The following MEI4 variants were observed in gnomAD, a reference collection of about 807,000 sequenced individuals.
MEI4 encodes meiosis-specific protein MEI4.
Under a neutral mutation model 31.4 loss-of-function variants are expected in MEI4, and 27 were observed. That is an observed-to-expected ratio of 0.86 (90% CI 0.63 to 1.19). The LOEUF is 1.19. Ranked by LOEUF, MEI4 falls within the 50% of genes most tolerant of loss-of-function variation. The pLI, the probability that MEI4 is intolerant of heterozygous loss-of-function variation, is 0.00. For missense variants in MEI4, 329 were observed against 398.9 expected (o/e 0.82, Z 1.49); for synonymous variants, 122 against 145.4 (o/e 0.84, Z 1.16).
intron 4 of MEI4, among the ~76,000 whole-genome samples, chr6:77,902,835 A>T (rs1194646721): frequency 6.6e-6 from 1 of 152,028 alleles, no homozygotes; most frequent in Non-Finnish European, 1.5e-5. Context: ...CATCATGCAT[A>T]TGTTGATTGA....
At chr6:77,736,148 G>A (rs1490878798) in intron 2 of MEI4, among the ~76,000 whole-genome samples, 2 of 152,100 alleles carry the variant, frequency 1.3e-5, no homozygotes, top group Non-Finnish European at 2.9e-5. Flanking sequence ...CCTTTGAGCT[G>A]TTGTGGGCTC....
At chr6:77,800,643 CTT>C (rs1284690141) in intron 3 of MEI4, among the ~76,000 whole-genome samples, 2 of 152,106 alleles carry the variant, frequency 1.3e-5, no homozygotes, top group Non-Finnish European at 2.9e-5. Context: ...ATAGATAGCT[CTT>C]ATTATTTTGA....
intron 4 of MEI4, among the ~76,000 whole-genome samples, chr6:77,850,018 A>C (rs1281923203): frequency 6.6e-6 from 1 of 152,020 alleles, no homozygotes; most frequent in Non-Finnish European, 1.5e-5. Context: ...AACATGTTCA[A>C]ATTAGTTAGG....
intron 4 of MEI4, among the ~76,000 whole-genome samples, chr6:77,921,622 A>C (rs1356881887): frequency 1.3e-5 from 2 of 151,832 alleles, no homozygotes; most frequent in Non-Finnish European, 2.9e-5. Context: ...TTCTTCACTA[A>C]GCTTAATGAT....
chr6:77,753,446 C>T (rs1006805911), intron 2 of MEI4, among the ~76,000 whole-genome samples: 2 of 151,952 alleles, frequency 1.3e-5, no homozygotes, highest in African/African-American at 4.8e-5. Context: ...TGAAGGATTT[C>T]AACAGACACT....
At chr6:77,656,283 ATTGC>A (rs765451374) in intron 1 of MEI4, among the ~76,000 whole-genome samples, 6 of 152,082 alleles carry the variant, frequency 3.9e-5, no homozygotes, top group Non-Finnish European at 7.4e-5. Context: ...CTGCTTATTG[ATTGC>A]TTGCTTCTTT....
intron 3 of MEI4, among the ~76,000 whole-genome samples, chr6:77,817,459 T>A (rs117742392): frequency 6.6e-6 from 1 of 152,270 alleles, no homozygotes; most frequent in Non-Finnish European, 1.5e-5. Flanking sequence ...AAGTTCTGAT[T>A]ATCATTGATG....
chr6:77,804,963 T>G (rs964882515), intron 3 of MEI4, among the ~76,000 whole-genome samples: 2 of 152,242 alleles, frequency 1.3e-5, no homozygotes, highest in Non-Finnish European at 2.9e-5. Flanking sequence ...GCAGGTTTTA[T>G]CTGTACTTTT....
At chr6:77,746,059 A>C (rs955692292) in intron 2 of MEI4, among the ~76,000 whole-genome samples, 70 of 152,200 alleles carry the variant, frequency 4.6e-4, no homozygotes, top group Non-Finnish European at 7.5e-4. Context: ...CAATTAAAAG[A>C]ACTAGAAAAG....
chr6:77,879,658 T>A lies in MEI4; in HGVS notation c.901-43431T>A, dbSNP rs140666289. 1.8e-4 allele frequency among the ~76,000 whole-genome samples: 27 copies of A among 152,318 alleles called. No individual in the cohort carries two copies. In the East Asian group the frequency reaches 5.2e-3, roughly 29 times the overall value. ...TATTGGAGTTGAAGAGATAAAAGTG[T>A]CCCTGAGAGCAGTGACCTTTGTGGC... On this transcript the variant is annotated intron_variant, in intron 4 of 4. Transcript: ENST00000684080.
At chr6:77,862,064 TA>T (rs11317423) in intron 4 of MEI4, among the ~76,000 whole-genome samples, 99,709 of 144,024 alleles carry the variant, frequency 0.69, 34,839 homozygotes, top group African/African-American at 0.85. Context: ...AGCAAAGAAT[TA>T]AAAAAAAAAA....
intron 2 of MEI4, among the ~76,000 whole-genome samples, chr6:77,737,217 T>C (rs765430763): frequency 6.6e-6 from 1 of 152,246 alleles, no homozygotes; most frequent in African/African-American, 2.4e-5. Context: ...TTCCATAAGT[T>C]ATTTATTTAG....
chr6:77,736,625 G>A (rs374305966), intron 2 of MEI4, among the ~76,000 whole-genome samples: 5 of 152,066 alleles, frequency 3.3e-5, no homozygotes, highest in South Asian at 2.1e-4. Flanking sequence ...GCTGTAGACC[G>A]GAGCTGTTCC....
intron 2 of MEI4, among the ~76,000 whole-genome samples, chr6:77,691,810 T>G (rs151082874): frequency 2.0e-5 from 3 of 152,020 alleles, no homozygotes; most frequent in Admixed American, 6.6e-5. Context: ...CTGGGTTTAC[T>G]TGAGCAAACT....
At chr6:77,795,928 C>G (rs947991104) in intron 3 of MEI4, among the ~76,000 whole-genome samples, 1 of 152,078 alleles carries the variant, frequency 6.6e-6, no homozygotes, top group African/African-American at 2.4e-5. Flanking sequence ...TACTCTGATA[C>G]CAAAGCTAGA....
chr6:77,770,317 G>A (rs1230036284), intron 3 of MEI4, among the ~76,000 whole-genome samples: 3 of 151,986 alleles, frequency 2.0e-5, no homozygotes, highest in Non-Finnish European at 4.4e-5. Flanking sequence ...CAATGAGATT[G>A]GAGCCCTAAT....
chr6:77,699,731 T>C (rs528001136), intron 2 of MEI4, among the ~76,000 whole-genome samples: 13 of 152,312 alleles, frequency 8.5e-5, no homozygotes, highest in Admixed American at 8.5e-4. Flanking sequence ...TGGTCTTTGA[T>C]GATGGTGACG....
chr6:77,825,301 G>A (rs143870215), intron 3 of MEI4, among the ~76,000 whole-genome samples: 26 of 152,124 alleles, frequency 1.7e-4, no homozygotes, highest in African/African-American at 4.6e-4. Context: ...GTGAAATTCC[G>A]TTTATTAAGC....
intron 4 of MEI4, among the ~76,000 whole-genome samples, chr6:77,863,295 G>C (rs898612297): frequency 6.6e-6 from 1 of 152,140 alleles, no homozygotes; most frequent in African/African-American, 2.4e-5. Context: ...TGAGCTAAAG[G>C]AGGAAGTTCG....
Sources: allele counts gnomAD v4.1 joint callset (sites outside exome capture counted in the v4.1 genomes callset), GRCh38; gene constraint gnomAD v4.1.1; transcripts MANE v1.5; gene names NCBI Gene and HGNC (gene_info 2026-07-23, HGNC 2026-07-21).